PDE4D: variants seen among roughly 807,000 people sequenced by gnomAD.
PDE4D encodes phosphodiesterase 4D.
Under a neutral mutation model 87.4 loss-of-function variants are expected in PDE4D, and 24 were observed. The observed-to-expected ratio is 0.27, with a 90% CI of 0.20 to 0.39. The LOEUF (loss-of-function observed/expected upper bound fraction) is 0.39, where lower values mean the gene tolerates loss of function less well. Ranked by LOEUF, PDE4D falls within the 10% of genes least tolerant of loss-of-function variation. PDE4D has a pLI of 1.00. For missense variants in PDE4D, 714 were observed against 1,041.0 expected (o/e 0.69, Z 4.32); for synonymous variants, 384 against 383.2 (o/e 1.00, Z -0.02).
chr5:60,234,392 T>C (rs1320735868), intron 1 of PDE4D, among the ~76,000 whole-genome samples: 1 of 151,870 alleles, frequency 6.6e-6, no homozygotes, highest in Non-Finnish European at 1.5e-5. Flanking sequence ...TTATAAATAA[T>C]GCTACTATGA....
chr5:59,620,466 T>C (rs1260179871), intron 1 of PDE4D, among the ~76,000 whole-genome samples: 1 of 152,082 alleles, frequency 6.6e-6, no homozygotes, highest in East Asian at 1.9e-4. Context: ...TGTGGGATAT[T>C]TGAGTTTAAG....
chr5:59,680,252 A>G (rs1748785547), intron 1 of PDE4D, among the ~76,000 whole-genome samples: 1 of 152,152 alleles, frequency 6.6e-6, no homozygotes, highest in African/African-American at 2.4e-5. Flanking sequence ...TATGTTTGAA[A>G]ATACTCATGC....
chr5:60,518,136 C>A (rs1750884801), intron 1 of PDE4D, among the ~76,000 whole-genome samples: 1 of 152,234 alleles, frequency 6.6e-6, no homozygotes, highest in African/African-American at 2.4e-5. Flanking sequence ...GCATCTGGAG[C>A]TGCCTGCCCT....
intron 1 of PDE4D, among the ~76,000 whole-genome samples, chr5:59,827,148 A>C (rs910621826): frequency 3.9e-5 from 6 of 152,102 alleles, no homozygotes; most frequent in Admixed American, 3.9e-4. Context: ...AGACAGGCCC[A>C]ATGAACACGA....
At chr5:59,416,398 T>G (rs1241198684) in intron 1 of PDE4D, among the ~76,000 whole-genome samples, 4 of 152,130 alleles carry the variant, frequency 2.6e-5, no homozygotes, top group African/African-American at 4.8e-5. Flanking sequence ...TGCCTGAATT[T>G]TTTTCCATGG....
chr5:60,194,863 A>G (rs759177175), intron 1 of PDE4D, among the ~76,000 whole-genome samples: 6 of 151,514 alleles, frequency 4.0e-5, no homozygotes, highest in Non-Finnish European at 8.9e-5. Context: ...CTTAAAATCT[A>G]TCAATAGCTG....
In PDE4D at chr5:60,307,173, T is replaced by C. The variant is rs567227788; in HGVS notation, c.-89-121486A>G. 2.0e-5 allele frequency among the ~76,000 whole-genome samples: 3 copies of C among 151,026 alleles called. No homozygotes were observed. The South Asian group carries it at 6.3e-4, about 32-fold the overall frequency. On this transcript the variant is annotated intron_variant, in intron 1 of 16. Coordinates refer to the PDE4D transcript ENST00000502484. ...AAAAGAAAAAAATTCACAACAAGAG[T>C]TGTAAATACTTTAAACAACGACACA...
chr5:59,324,361 A>G (rs1429759264), intron 1 of PDE4D, among the ~76,000 whole-genome samples: 3 of 152,074 alleles, frequency 2.0e-5, no homozygotes, highest in African/African-American at 7.2e-5. Flanking sequence ...GCAGCCACAT[A>G]CTTACAGGGA....
intron 1 of PDE4D, among the ~76,000 whole-genome samples, chr5:59,343,664 A>G (rs186430386): frequency 2.5e-3 from 384 of 152,300 alleles, no homozygotes; most frequent in African/African-American, 8.6e-3. Context: ...CTTGGTGTTG[A>G]TTTCATGAAT....
rs569850170 is a variant in PDE4D at position 59,884,862 on chromosome 5, T to C, written c.455+8306A>G. 3.0e-5 allele frequency among the ~76,000 whole-genome samples: 4 copies of C among 132,830 alleles called. No individual in the cohort carries two copies. In the East Asian group the frequency reaches 7.9e-4, roughly 26 times the overall value. The allele number at this position is 132,830 out of a possible 152,430, so 87.1% of individuals were successfully genotyped here. On this transcript the variant is annotated intron_variant, in intron 1 of 14. Transcript: ENST00000340635. Reference sequence around the variant, plus strand: ...TTCCAAAATGATAGATGAAAAATTGTTTCAGTTTTTATTTCTTTGTCTGTC... The same window carrying C: ...TTCCAAAATGATAGATGAAAAATTGCTTCAGTTTTTATTTCTTTGTCTGTC...
At chr5:59,945,325 T>A (rs2152801132) in intron 3 of PDE4D, among the ~76,000 whole-genome samples, 1 of 152,340 alleles carries the variant, frequency 6.6e-6, no homozygotes, top group Middle Eastern at 3.4e-3. Context: ...AATATTTGAA[T>A]TAAGTGCTTT....
intron 1 of PDE4D, among the ~76,000 whole-genome samples, chr5:59,227,217 G>T (rs552065160): frequency 6.6e-6 from 1 of 152,054 alleles, no homozygotes; most frequent in Non-Finnish European, 1.5e-5. Flanking sequence ...GAGGAATAGC[G>T]TCTTGTTAAC....
chr5:60,166,493 T>G (rs1038073889), intron 2 of PDE4D, among the ~76,000 whole-genome samples: 9 of 152,214 alleles, frequency 5.9e-5, no homozygotes, highest in Admixed American at 1.3e-4. Flanking sequence ...TTATACTGCA[T>G]GTCCTGTAAC....
At chr5:60,014,567 C>T (rs989954959) in intron 2 of PDE4D, among the ~76,000 whole-genome samples, 1 of 152,086 alleles carries the variant, frequency 6.6e-6, no homozygotes, top group Non-Finnish European at 1.5e-5. Flanking sequence ...TGCTAGGAGA[C>T]AAGGGTGATT....
rs185175904 is a variant in PDE4D at position 59,216,349 on chromosome 5, G to A, written c.456-381C>T. 5.3e-5 allele frequency among the ~76,000 whole-genome samples: 8 copies of A among 152,158 alleles called. No homozygotes were observed. In the East Asian group the frequency reaches 1.5e-3, roughly 29 times the overall value. On this transcript the variant is annotated intron_variant, in intron 1 of 14. Transcript: ENST00000340635. ...AACAAATACCCATTTTGTGCCTAATGCTGTTCTCCCAAACCTGGGCTTCTC... is the reference window on the plus strand; with the variant it reads ...AACAAATACCCATTTTGTGCCTAATACTGTTCTCCCAAACCTGGGCTTCTC...
At chr5:59,654,415 C>T (rs1305538935) in intron 1 of PDE4D, among the ~76,000 whole-genome samples, 2 of 152,186 alleles carry the variant, frequency 1.3e-5, no homozygotes, top group Non-Finnish European at 2.9e-5. Context: ...AGTTTACTGA[C>T]AGACTTTGTG....
intron 1 of PDE4D, among the ~76,000 whole-genome samples, chr5:59,600,106 T>C (rs1370285490): frequency 6.6e-6 from 1 of 152,162 alleles, no homozygotes; most frequent in Non-Finnish European, 1.5e-5. Context: ...TTCTAGTGGT[T>C]CCATCCCTAC....
intron 1 of PDE4D, among the ~76,000 whole-genome samples, chr5:59,592,630 A>C (rs982141905): frequency 3.9e-5 from 6 of 152,166 alleles, no homozygotes; most frequent in African/African-American, 1.4e-4. Context: ...TCATAATATG[A>C]AATATATTTC....
At chr5:60,415,859 G>T (rs960490867) in intron 1 of PDE4D, among the ~76,000 whole-genome samples, 8 of 152,252 alleles carry the variant, frequency 5.3e-5, no homozygotes, top group African/African-American at 1.9e-4. Flanking sequence ...GGACCCACTG[G>T]GTGAAGCCAT....
Sources: gnomAD v4.1 joint callset for allele counts (sites outside exome capture counted in the v4.1 genomes callset) on GRCh38, gnomAD v4.1.1 for gene constraint, MANE v1.5 for transcripts, NCBI Gene and HGNC (gene_info 2026-07-23, HGNC 2026-07-21) for gene names.